The following ADAM9 variants were observed in gnomAD, a reference collection of about 807,000 sequenced individuals.
The protein encoded by ADAM9 is ADAM metallopeptidase domain 9.
In ADAM9, 54 loss-of-function variants were observed where a neutral mutation model predicts 108.1. The observed-to-expected ratio is 0.50, with a 90% CI of 0.40 to 0.63. The LOEUF is 0.63. Among genes scored for constraint, ADAM9 ranks in the 20% least tolerant of loss-of-function variants. The pLI, the probability that ADAM9 is intolerant of heterozygous loss-of-function variation, is 0.00. For missense variants in ADAM9, 830 were observed against 997.7 expected (o/e 0.83, Z 2.26); for synonymous variants, 316 against 336.0 (o/e 0.94, Z 0.65).
At chr8:39,045,326 GTGTGTGTACACCTA>G (rs1837675529) in intron 12 of ADAM9, among the ~76,000 whole-genome samples, 1 of 145,016 alleles carries the variant, frequency 6.9e-6, no homozygotes, top group Non-Finnish European at 1.5e-5. Flanking sequence ...ACCTATACAT[GTGTGTGTACACCTA>G]TACATGTGTG....
chr8:39,057,416 T>G (rs1838161085), intron 14 of ADAM9, among the ~76,000 whole-genome samples: 1 of 150,818 alleles, frequency 6.6e-6, no homozygotes, highest in African/African-American at 2.4e-5. Context: ...ATCAAATATA[T>G]TCTCCTGGAG....
In ADAM9 at chr8:39,009,904, G is replaced by GCA. The variant is rs1292141104; in HGVS notation, c.196-1754_196-1753insCA. On this transcript the variant is annotated intron_variant, in intron 2 of 21. Coordinates refer to ENST00000487273, the MANE Select transcript of ADAM9 (RefSeq NM_003816.3). The stretch of plus-strand genomic sequence containing the variant: ...GCTTGCATTCTAGTGATGGGGGGGG[G>GCA]GGGCAGGGAGAGAGAGAGAGAGAGA... 6.8e-4 allele frequency among the ~76,000 whole-genome samples: 57 copies of GCA among 84,072 alleles called. No individual in the cohort carries two copies. The South Asian group carries it at 9.3e-3, about 14-fold the overall frequency. 55.2% of individuals were successfully genotyped at this position (84,072 alleles called of 152,430 possible).
At chr8:39,052,313 A>G (rs942300944) in intron 12 of ADAM9, among the ~76,000 whole-genome samples, 1 of 152,038 alleles carries the variant, frequency 6.6e-6, no homozygotes, top group Non-Finnish European at 1.5e-5. Context: ...CTGTTGGTTC[A>G]TTAAATCTTC....
At chr8:39,059,589 A>AG (rs1208847973) in intron 14 of ADAM9, among the ~76,000 whole-genome samples, 4 of 152,234 alleles carry the variant, frequency 2.6e-5, no homozygotes, top group Non-Finnish European at 5.9e-5. Context: ...TCCTCTACTG[A>AG]GGCCACCCTT....
At chr8:39,007,389 A>C (rs1337826018) in intron 1 of ADAM9, among the ~76,000 whole-genome samples, 1 of 152,190 alleles carries the variant, frequency 6.6e-6, no homozygotes, top group Non-Finnish European at 1.5e-5. Flanking sequence ...TGAGATTTGG[A>C]GAAGTCAAAC....
intron 20 of ADAM9, among the ~76,000 whole-genome samples, chr8:39,092,046 G>A (rs1839373292): frequency 6.6e-6 from 1 of 152,138 alleles, no homozygotes; most frequent in Non-Finnish European, 1.5e-5. Flanking sequence ...GATAGTCACT[G>A]TTCTGCAAGT....
At position 39,023,152 on chromosome 8, in the gene ADAM9, C is replaced by T; in HGVS notation, c.745-4C>T. On this transcript the variant is annotated splice_polypyrimidine_tract_variant and splice_region_variant and intron_variant, in intron 8 of 21. Transcript: ENST00000487273. ...TTTATATACTTTTATTTCTTTCTTCCCAGATGTATATTATGTTAAATATTC... is the reference window on the plus strand; with the variant it reads ...TTTATATACTTTTATTTCTTTCTTCTCAGATGTATATTATGTTAAATATTC... The T allele has an allele frequency of 6.2e-7, 1 of 1,607,572 alleles. No homozygotes were observed. Among genetic ancestry groups the T allele is most frequent in the Non-Finnish European group, 8.5e-7 (1 of 1,175,248 alleles).
At position 39,104,937 on chromosome 8, in the gene ADAM9, T is replaced by C. The variant is rs753019772; in HGVS notation, c.*1237T>C. ...TTTCATTAGTTTTTTAAAAGTGTTT[T>C]TGGTTTGTGTATATATACATATACA... On this transcript the variant is annotated 3_prime_UTR_variant, in exon 22 of 22. Transcript: ENST00000487273. 2.3e-6 allele frequency: 1 copy of C among 428,066 alleles called. No homozygotes were observed. Among genetic ancestry groups the C allele is most frequent in the South Asian group, 1.7e-5 (1 of 58,210 alleles). The allele number at this position is 428,066 out of a possible 1,614,324, so 26.5% of individuals were successfully genotyped here.
chr8:39,035,726 C>A (rs767538368), intron 11 of ADAM9, among the ~76,000 whole-genome samples: 24 of 151,950 alleles, frequency 1.6e-4, no homozygotes, highest in South Asian at 4.1e-4. Flanking sequence ...CTGAGGCAGG[C>A]GAATGGCATG....
Position 39,073,308 on chromosome 8 carries a change from G to A in ADAM9, c.1697+1905G>A, listed in dbSNP as rs190841122. ...TGGATTTGTCTATTTATCTTTTTAG[G>A]TATGTAAATTTTTGCTGTGTATGTT... is the stretch of plus-strand genomic sequence containing the variant. On this transcript the variant is annotated intron_variant, in intron 15 of 21. Coordinates refer to ENST00000487273, the MANE Select transcript of ADAM9 (RefSeq NM_003816.3). Among the ~76,000 whole-genome samples, 64 of 152,182 alleles carry A rather than the reference G, an allele frequency of 4.2e-4. 1 individual carries two copies. The highest frequency in any genetic ancestry group is 1.4e-3 in the African/African-American group (60 of 41,524).
chr8:39,077,875 A>G, intron 16 of ADAM9, among the ~76,000 whole-genome samples: 1 of 152,170 alleles, frequency 6.6e-6, no homozygotes. Flanking sequence ...CCCTGGGCCA[A>G]ATTCCTTTTT....
intron 12 of ADAM9, among the ~76,000 whole-genome samples, chr8:39,044,869 T>C (rs368454041): frequency 1.5e-4 from 22 of 146,432 alleles, no homozygotes; most frequent in South Asian, 2.1e-4. Flanking sequence ...TGTGTGTGTA[T>C]ACATACATAT....
intron 1 of ADAM9, among the ~76,000 whole-genome samples, chr8:39,002,926 C>A (rs921201084): frequency 1.3e-5 from 2 of 151,964 alleles, no homozygotes; most frequent in Non-Finnish European, 2.9e-5. Context: ...CAACCTCCCC[C>A]TCCTGGGCTA....
intron 18 of ADAM9, 78 bp from the exon 19 acceptor site, chr8:39,089,969 G>T: frequency 1.4e-6 from 2 of 1,401,000 alleles, no homozygotes; most frequent in Admixed American, 1.7e-5. Context: ...GAAAATTAAT[G>T]TAAAGTGTTT....
At chr8:39,026,538 CTG>C in intron 10 of ADAM9, 137 bp from the exon 11 acceptor site, 4 of 1,034,918 alleles carry the variant, frequency 3.9e-6, no homozygotes, top group Non-Finnish European at 4.4e-6. Flanking sequence ...TGTATAAAGA[CTG>C]TTGTTGGATG....
chr8:39,039,049 CT>C (rs1449427514), intron 11 of ADAM9, among the ~76,000 whole-genome samples: 2 of 152,134 alleles, frequency 1.3e-5, no homozygotes, highest in Non-Finnish European at 2.9e-5. Context: ...GTACTATCAA[CT>C]TTTCTAGAGA....
At chr8:39,055,041 A>G (rs1005691721) in intron 13 of ADAM9, among the ~76,000 whole-genome samples, 12 of 152,126 alleles carry the variant, frequency 7.9e-5, no homozygotes, top group African/African-American at 2.9e-4. Context: ...CTTTTTTCCC[A>G]TTCATGTAGT....
chr8:39,012,703 A>G (rs1836394806), intron 3 of ADAM9, among the ~76,000 whole-genome samples: 1 of 152,172 alleles, frequency 6.6e-6, no homozygotes, highest in Admixed American at 6.5e-5. Flanking sequence ...AGGACAAAAA[A>G]CCAAACACCA....
At chr8:39,045,567 TG>T (rs1163825262) in intron 12 of ADAM9, among the ~76,000 whole-genome samples, 1 of 61,274 alleles carries the variant, frequency 1.6e-5, no homozygotes, top group African/African-American at 6.0e-5. Flanking sequence ...TATGTGTGTG[TG>T]TGTATATATA....
Sources: gnomAD v4.1 joint callset for allele counts (sites outside exome capture counted in the v4.1 genomes callset) on GRCh38, gnomAD v4.1.1 for gene constraint, MANE v1.5 for transcripts, NCBI Gene and HGNC (gene_info 2026-07-23, HGNC 2026-07-21) for gene names.